The following XKR5 variants were observed in gnomAD, a reference collection of about 807,000 sequenced individuals.
The protein encoded by XKR5 is XK-related protein 5.
XKR5 carries 46 observed loss-of-function variants against 40.8 expected under a neutral mutation model. The observed-to-expected ratio is 1.13, with a 90% CI of 0.89 to 1.44. The LOEUF (loss-of-function observed/expected upper bound fraction) is 1.44, where lower values mean the gene tolerates loss of function less well. XKR5 is among the 40% of genes most tolerant of loss of function. The probability of loss-of-function intolerance (pLI) is 0.00; values close to 1 mark genes in which losing one functional copy is unlikely to be tolerated. For missense variants in XKR5, 1,169 were observed against 844.7 expected (o/e 1.38, Z -4.76); for synonymous variants, 466 against 356.1 (o/e 1.31, Z -3.48).
chr8:6,830,907 C>T (rs766484244), intron 2 of XKR5, among the ~76,000 whole-genome samples: 20 of 152,236 alleles, frequency 1.3e-4, no homozygotes, highest in Non-Finnish European at 2.9e-4. Flanking sequence ...TTGGACACAC[C>T]GTGGTCCCCT....
At chr8:6,816,282 C>T (rs1020493135) in intron 5 of XKR5, among the ~76,000 whole-genome samples, 1 of 152,176 alleles carries the variant, frequency 6.6e-6, no homozygotes, top group South Asian at 2.1e-4. Context: ...TGCAGGCACT[C>T]ATTAGTGTTA....
intron 3 of XKR5, 57 bp from the exon 4 acceptor site, chr8:6,823,787 T>C: frequency 7.1e-7 from 1 of 1,401,322 alleles, no homozygotes; most frequent in Non-Finnish European, 9.9e-7. Flanking sequence ...TAACAGTACC[T>C]TGTGAAGATT....
intron 1 of XKR5, among the ~76,000 whole-genome samples, chr8:6,835,019 G>A (rs1403654360): frequency 1.3e-5 from 2 of 152,164 alleles, no homozygotes; most frequent in Non-Finnish European, 2.9e-5. Flanking sequence ...GGGAGAGCCC[G>A]GGCGCCCCCA....
chr8:6,811,123 G>A lies in XKR5; in HGVS notation c.*75C>T. 3.6e-6 allele frequency: 5 copies of A among 1,393,106 alleles called. No individual in the cohort carries two copies. The highest frequency in any genetic ancestry group is 2.9e-6 in the Non-Finnish European group (3 of 1,046,948). 86.3% of individuals were successfully genotyped at this position (1,393,106 alleles called of 1,614,324 possible). A position where few individuals can be genotyped will look rare whatever the true frequency, so the allele number is the denominator to read the frequency against. On this transcript the variant is annotated 3_prime_UTR_variant, in exon 7 of 7. Transcript: ENST00000618742. ...GCCCAAGGACACAGGTGTCAGAAGT[G>A]GGATTTCCTTTCTCACGGTACCAAA...
At chr8:6,833,106 G>A (rs1011190613) in intron 1 of XKR5, among the ~76,000 whole-genome samples, 1 of 152,212 alleles carries the variant, frequency 6.6e-6, no homozygotes, top group African/African-American at 2.4e-5. Flanking sequence ...TTTGACATGC[G>A]AACTAAATCT....
At chr8:6,832,593 C>G in intron 2 of XKR5, 124 bp downstream of exon 2, 1 of 1,299,834 alleles carries the variant, frequency 7.7e-7, no homozygotes, top group Non-Finnish European at 1.1e-6. Flanking sequence ...GCTGTGGCCG[C>G]TTTGAACCTC....
chr8:6,831,372 T>C (rs1034388300), intron 2 of XKR5, among the ~76,000 whole-genome samples: 9 of 152,300 alleles, frequency 5.9e-5, no homozygotes, highest in African/African-American at 2.2e-4. Flanking sequence ...GCTGCAAATA[T>C]GCTTTCGGTG....
chr8:6,835,183 G>C (rs1804957988), intron 1 of XKR5, among the ~76,000 whole-genome samples: 1 of 117,722 alleles, frequency 8.5e-6, no homozygotes, highest in Non-Finnish European at 1.9e-5. Flanking sequence ...CACCAGTCGG[G>C]AGGGGGGGGA....
chr8:6,822,084 G>T, intron 4 of XKR5, 46 bp from the exon 5 acceptor site: 1 of 1,543,952 alleles, frequency 6.5e-7, no homozygotes. Context: ...GCAAGGAGAT[G>T]GGGGGACAGG....
At chr8:6,832,554 C>T (rs578225081) in intron 2 of XKR5, among the ~76,000 whole-genome samples, 163 bp downstream of exon 2, 3 of 152,292 alleles carry the variant, frequency 2.0e-5, no homozygotes, top group Non-Finnish European at 2.9e-5. Context: ...AGGCTGGACC[C>T]GGGCATGCCA....
chr8:6,825,385 G>A (rs1384777983), intron 2 of XKR5, 36 bp from the exon 3 acceptor site: 1 of 1,481,718 alleles, frequency 6.7e-7, no homozygotes, highest in Admixed American at 2.8e-5. Flanking sequence ...CACGGAGCCA[G>A]GCTGTGGCGA....
Position 6,817,986 on chromosome 8 carries a change from CTGG to C in XKR5, c.808-2071_808-2069del, listed in dbSNP as rs1211916604. Reference sequence around the variant, plus strand: ...TTTGTAAATTTCCACTTCCCTGTCTCTGGCCAAGCCCCCGGATGTTCCTCCTCC... The same window carrying C: ...TTTGTAAATTTCCACTTCCCTGTCTCCCAAGCCCCCGGATGTTCCTCCTCC... On this transcript the variant is annotated intron_variant, in intron 5 of 6. Transcript: ENST00000618742. 3.9e-5 allele frequency among the ~76,000 whole-genome samples: 6 copies of C among 152,366 alleles called. No individual in the cohort carries two copies. In the East Asian group the frequency reaches 9.6e-4, roughly 25 times the overall value.
intron 1 of XKR5, 45 bp from the exon 2 acceptor site, chr8:6,832,945 G>C: frequency 1.4e-6 from 2 of 1,461,716 alleles, no homozygotes; most frequent in Non-Finnish European, 1.8e-6. Context: ...GAAGGCTGGA[G>C]TGAGACTGGG....
At position 6,835,519 on chromosome 8, in the gene XKR5, G is replaced by T. The variant is rs1360912899; in HGVS notation, c.-26C>A. 6.7e-6 allele frequency: 10 copies of T among 1,486,304 alleles called. 1 individual carries two copies. Among genetic ancestry groups the T allele is most frequent in the South Asian group, 2.6e-5 (2 of 78,248 alleles). The allele number at this position is 1,486,304 out of a possible 1,614,324, so 92.1% of individuals were successfully genotyped here. A position where few individuals can be genotyped will look rare whatever the true frequency, so the allele number is the denominator to read the frequency against. ...CTTCCGTGCCGACCCCGCAGCCTGC[G>T]CCCGCCCCTTCCCCTGCACGCGGCC... is the stretch of plus-strand genomic sequence containing the variant. On this transcript the variant is annotated 5_prime_UTR_variant, in exon 1 of 7. Coordinates refer to ENST00000618742, the MANE Select transcript of XKR5 (RefSeq NM_207411.5).
In XKR5 at chr8:6,810,934, A is replaced by C. The variant is rs746656018; in HGVS notation, c.*264T>G. On this transcript the variant is annotated 3_prime_UTR_variant, in exon 7 of 7. Coordinates refer to ENST00000618742, the MANE Select transcript of XKR5 (RefSeq NM_207411.5). ...GAACCTACAGCTCATAAAAGGTAGC[A>C]GACAATTTTGACTGGAATCTCTTTC... is the stretch of plus-strand genomic sequence containing the variant. 4 of 326,580 alleles carry C rather than the reference A, an allele frequency of 1.2e-5. No individual in the cohort carries two copies. The highest frequency in any genetic ancestry group is 2.2e-5 in the Non-Finnish European group (4 of 180,224). The allele number at this position is 326,580 out of a possible 1,614,324, so 20.2% of individuals were successfully genotyped here.
chr8:6,815,748 TAA>T (rs112269595), intron 6 of XKR5, 57 bp downstream of exon 6: 1,403 of 1,061,286 alleles, frequency 1.3e-3, no homozygotes, highest in Non-Finnish European at 1.4e-3. Flanking sequence ...GAGCCCATTG[TAA>T]AAAAAAAAAA....
At chr8:6,834,342 T>C (rs1804906162) in intron 1 of XKR5, among the ~76,000 whole-genome samples, 1 of 152,208 alleles carries the variant, frequency 6.6e-6, no homozygotes, top group Admixed American at 6.5e-5. Flanking sequence ...GGGTCCGGGC[T>C]CAGGCAGCCC....
At chr8:6,822,524 A>G (rs550491062) in intron 4 of XKR5, among the ~76,000 whole-genome samples, 38 of 152,264 alleles carry the variant, frequency 2.5e-4, no homozygotes, top group Non-Finnish European at 5.1e-4. Flanking sequence ...GAATAACAAA[A>G]TAGCTAATCT....
chr8:6,830,199 T>C (rs1804697295), intron 2 of XKR5, among the ~76,000 whole-genome samples: 1 of 152,224 alleles, frequency 6.6e-6, no homozygotes, highest in Non-Finnish European at 1.5e-5. Context: ...GCAGATTCTT[T>C]TGTATTTTGT....
Sources: gnomAD v4.1 joint callset for allele counts (sites outside exome capture counted in the v4.1 genomes callset) on GRCh38, gnomAD v4.1.1 for gene constraint, MANE v1.5 for transcripts, NCBI Gene and HGNC (gene_info 2026-07-23, HGNC 2026-07-21) for gene names.